Variants in TOPBP1 observed in about 807,000 individuals in gnomAD.
The protein encoded by TOPBP1 is DNA topoisomerase II binding protein 1.
A neutral mutation model predicts 167.7 loss-of-function variants in TOPBP1; 28 were observed. The observed-to-expected ratio is 0.17, with a 90% CI of 0.12 to 0.23. The LOEUF (loss-of-function observed/expected upper bound fraction) is 0.23, where lower values mean the gene tolerates loss of function less well. Among genes scored for constraint, TOPBP1 ranks in the 10% least tolerant of loss-of-function variants. The pLI is 1.00. For synonymous variants in TOPBP1, 598 were observed against 611.4 expected, an observed-to-expected ratio of 0.98 and a Z score of 0.32; for missense variants, 1,554 against 1,809.6, an observed-to-expected ratio of 0.86 and a Z score of 2.56.
intron 22 of TOPBP1, 109 bp downstream of exon 22, chr3:133,617,051 A>G (rs534214818): frequency 5.0e-4 from 709 of 1,411,074 alleles, no homozygotes; most frequent in Non-Finnish European, 6.5e-4. Context: ...ACAATGCAAA[A>G]AATAGTTTTC....
intron 12 of TOPBP1, 126 bp downstream of exon 12, chr3:133,643,074 G>A: frequency 1.2e-6 from 1 of 856,050 alleles, no homozygotes; most frequent in South Asian, 3.5e-5. Flanking sequence ...AGTGGAGAAG[G>A]AACCACATAA....
Position 133,653,421 on chromosome 3 carries a change from G to A in TOPBP1, c.846C>T (p.Tyr282=). ...EKGFCQDESI[Y]KTEPRPEAKT... is the part of the protein sequence containing the mutation. ...TTGCTTCTGGTCTAGGTTCTGTCTT[G>A]TATATGGATTCATCCTGACAAAAAC... The change falls in exon 7 of 28, where the codon TAC becomes TAT. Residue 282 remains tyrosine, a synonymous_variant. Coordinates refer to ENST00000260810, the MANE Select transcript of TOPBP1 (RefSeq NM_007027.4). The A allele has an allele frequency of 6.2e-7, 1 of 1,613,180 alleles. No homozygotes were observed.
At position 133,608,932 on chromosome 3, in the gene TOPBP1, G is replaced by A; in HGVS notation, c.4204C>T (p.His1402Tyr). ...GAFSGWKVIL[H>Y]VDQSREAGFK... ...CCTGCTTCTCGAGACTGATCCACAT[G>A]TAAAATAACCTTCCACCCACTAAAT... The change falls in exon 26 of 28, where the codon CAT becomes TAT. Residue 1402 changes from histidine (H) to tyrosine (Y), a missense_variant. Around this residue, in one of 3 missense-constraint regions of TOPBP1, gnomAD observed 351 missense variants for 432.9 expected, o/e 0.81. Transcript: ENST00000260810. 1 of 1,613,230 alleles carries A rather than the reference G, an allele frequency of 6.2e-7. No homozygotes were observed. Among genetic ancestry groups the A allele is most frequent in the African/African-American group, 1.3e-5 (1 of 75,022 alleles).
At chr3:133,639,856 G>T in intron 13 of TOPBP1, 103 bp downstream of exon 13, 2 of 1,216,872 alleles carry the variant, frequency 1.6e-6, no homozygotes, top group Non-Finnish European at 2.3e-6. Context: ...AATGTGAAAA[G>T]CAAAAATCAA....
chr3:133,653,556 A>G, intron 6 of TOPBP1, 32 bp from the exon 7 acceptor site: 1 of 1,476,370 alleles, frequency 6.8e-7, no homozygotes, highest in African/African-American at 1.4e-5. Context: ...AAATAGAGAA[A>G]ATAGGAGAAA....
intron 6 of TOPBP1, among the ~76,000 whole-genome samples, 177 bp downstream of exon 6, chr3:133,655,113 G>A (rs1327233302): frequency 6.6e-6 from 1 of 152,162 alleles, no homozygotes; most frequent in Non-Finnish European, 1.5e-5. Context: ...GCTGAGTTGG[G>A]AGAATCGCTT....
chr3:133,628,065 G>C, intron 16 of TOPBP1: 1 of 319,688 alleles, frequency 3.1e-6, no homozygotes. Flanking sequence ...GATTCTTTTA[G>C]ACTATACTGA....
intron 23 of TOPBP1, among the ~76,000 whole-genome samples, chr3:133,614,326 CAA>C (rs1376257945): frequency 1.3e-5 from 2 of 152,078 alleles, no homozygotes; most frequent in Non-Finnish European, 2.9e-5. Flanking sequence ...CACAGAGTGA[CAA>C]AAAGACAAGA....
Position 133,653,494 on chromosome 3 carries a change from T to C in TOPBP1, c.773A>G (p.Asn258Ser), listed in dbSNP as rs777836633. 1.9e-6 allele frequency: 3 copies of C among 1,601,704 alleles called. No individual in the cohort carries two copies. The East Asian group carries it at 6.8e-5, about 36-fold the overall frequency. The change falls in exon 7 of 28, where the codon AAT becomes AGT. Residue 258 changes from asparagine to serine, a missense_variant. Physicochemically the swap from Asn to Ser is conservative, Grantham distance 46 (BLOSUM62 1). This residue lies in a region of TOPBP1 where 1,197 missense variants were observed against 1,351.5 expected (regional missense o/e 0.89). Coordinates refer to ENST00000260810, the MANE Select transcript of TOPBP1 (RefSeq NM_007027.4). ...GQKYECAKRW[N>S]VHCVTTQWFF... Reference sequence around the variant, plus strand: ...CCACTGTGTGGTCACACAGTGTACATTCCATCTCTTGGCACACTCATACTT... The same window carrying C: ...CCACTGTGTGGTCACACAGTGTACACTCCATCTCTTGGCACACTCATACTT...
At position 133,652,634 on chromosome 3, in the gene TOPBP1, A is replaced by G. The variant is rs773463924; in HGVS notation, c.923-5T>C. On this transcript the variant is annotated splice_polypyrimidine_tract_variant and splice_region_variant and intron_variant, in intron 7 of 27. Coordinates refer to ENST00000260810, the MANE Select transcript of TOPBP1 (RefSeq NM_007027.4). ...TGACATCTGAAAGAGTACGACCTACATATTTTGAAAACGTATAAATTTATG... is the reference window on the plus strand; with the variant it reads ...TGACATCTGAAAGAGTACGACCTACGTATTTTGAAAACGTATAAATTTATG... 10 of 1,588,708 alleles carry G rather than the reference A, an allele frequency of 6.3e-6. No individual in the cohort carries two copies. Among genetic ancestry groups the G allele is most frequent in the African/African-American group, 4.1e-5 (3 of 73,306 alleles).
chr3:133,640,077 A>G lies in TOPBP1; in HGVS notation c.2115T>C (p.Tyr705=), dbSNP rs1380385374. The change falls in exon 13 of 28, where the codon TAT becomes TAC. Residue 705 remains tyrosine, a synonymous_variant. Coordinates refer to ENST00000260810, the MANE Select transcript of TOPBP1 (RefSeq NM_007027.4). ...LILKERGGSK[Y]EAAKKWNLPA... is the part of the protein sequence containing the mutation. ...GTAAATTCCACTTCTTTGCAGCTTC[A>G]TATTTAGAGCCACCACGTTCTTTCA... is the stretch of plus-strand genomic sequence containing the variant. The G allele has an allele frequency of 1.2e-6, 2 of 1,613,768 alleles. No individual in the cohort carries two copies. Among genetic ancestry groups the G allele is most frequent in the African/African-American group, 2.7e-5 (2 of 74,924 alleles).
chr3:133,628,286 A>G (rs1935333793), intron 16 of TOPBP1, 76 bp downstream of exon 16: 34 of 1,276,790 alleles, frequency 2.7e-5, no homozygotes, highest in Non-Finnish European at 3.5e-5. Flanking sequence ...GTATTCTTGT[A>G]GATGCTCACA....
intron 3 of TOPBP1, among the ~76,000 whole-genome samples, chr3:133,658,545 T>TATA: frequency 6.6e-6 from 1 of 151,860 alleles, no homozygotes; most frequent in East Asian, 1.9e-4. Flanking sequence ...TGCTTACATC[T>TATA]ATAAGCCCAA....
rs1051772 is a variant in TOPBP1 at position 133,608,613 on chromosome 3, T to C, written c.4347A>G (p.Ser1449=). 146,139 of 1,613,706 alleles carry C rather than the reference T, an allele frequency of 0.091. 7,128 individuals carry two copies. The highest frequency in any genetic ancestry group is 0.16 in the African/African-American group (11,807 of 74,990). ...CAGCAGCTTCTGCTATATTAACTCC[T>C]GAGTCATCTGGTTTCAGTTTATTCA... ...SDLNKLKPDD[S]GVNIAEAAAQ... is the part of the protein sequence containing the mutation. The change falls in exon 27 of 28, where the codon TCA becomes TCG. Residue 1449 remains serine (S), a synonymous_variant. Transcript: ENST00000260810.
chr3:133,652,266 A>T (rs1026995964), intron 8 of TOPBP1, among the ~76,000 whole-genome samples, 197 bp downstream of exon 8: 18 of 152,368 alleles, frequency 1.2e-4, no homozygotes, highest in Non-Finnish European at 2.1e-4. Flanking sequence ...AAAAGATAAC[A>T]GAGGAAGATA....
At chr3:133,650,506 A>G (rs1050545860) in intron 8 of TOPBP1, among the ~76,000 whole-genome samples, 27 of 152,276 alleles carry the variant, frequency 1.8e-4, no homozygotes, top group African/African-American at 6.0e-4. Flanking sequence ...AAAAATATAT[A>G]TAAGTCAAAG....
Position 133,644,273 on chromosome 3 carries a change from T to C in TOPBP1, c.1595A>G (p.Glu532Gly). The change falls in exon 11 of 28, where the codon GAA becomes GGA. Residue 532 changes from glutamate (E) to glycine (G), a missense_variant. This residue lies in a region of TOPBP1 where 1,197 missense variants were observed against 1,351.5 expected (regional missense o/e 0.89). Coordinates refer to ENST00000260810, the MANE Select transcript of TOPBP1 (RefSeq NM_007027.4). ...ACAATGACTGACAGAAGACTGGTTT[T>C]CTTCTTGCAAAGAAATGTGAGTAGA... The part of the protein sequence containing the change: ...NDSTHISLQE[E>G]NQSSVSHCVP... 6.2e-7 allele frequency: 1 copy of C among 1,613,816 alleles called. No individual in the cohort carries two copies. The highest frequency in any genetic ancestry group is 8.5e-7 in the Non-Finnish European group (1 of 1,179,814).
chr3:133,626,381 A>T (rs1935267499), intron 16 of TOPBP1, among the ~76,000 whole-genome samples: 2 of 152,180 alleles, frequency 1.3e-5, no homozygotes, highest in South Asian at 4.1e-4. Context: ...GCAGTGGGTA[A>T]GGTACAGGAT....
At chr3:133,653,626 AAT>A in intron 6 of TOPBP1, 102 bp from the exon 7 acceptor site, 13 of 1,092,474 alleles carry the variant, frequency 1.2e-5, no homozygotes, top group African/African-American at 1.0e-4. Context: ...ATAACAGGTT[AAT>A]ATTTTTTTTT....
Sources: gnomAD v4.1 joint callset for allele counts (sites outside exome capture counted in the v4.1 genomes callset) on GRCh38, gnomAD v4.1.1 for gene constraint, gnomAD v4.1.1 regional missense constraint, MANE v1.5 for transcripts, NCBI Gene and HGNC (gene_info 2026-07-23, HGNC 2026-07-21) for gene names.